The following MROH1 variants were observed in gnomAD, a reference collection of about 807,000 sequenced individuals.
The protein encoded by MROH1 is maestro heat-like repeat-containing protein family member 1.
A neutral mutation model predicts 116.5 loss-of-function variants in MROH1; 117 were observed. The ratio of observed to expected loss-of-function variants is 1.00; its 90% CI spans 0.86 to 1.17. The LOEUF (loss-of-function observed/expected upper bound fraction) is 1.17, where lower values mean the gene tolerates loss of function less well. MROH1 is among the 50% of genes most tolerant of loss of function. MROH1 has a pLI of 0.00. For missense variants in MROH1, 1,873 were observed against 1,338.5 expected (o/e 1.40, Z -6.23); for synonymous variants, 921 against 583.9 (o/e 1.58, Z -8.32).
chr8:144,185,898 G>C (rs1413561203), intron 7 of MROH1, among the ~76,000 whole-genome samples: 2 of 133,852 alleles, frequency 1.5e-5, no homozygotes, highest in African/African-American at 5.4e-5. Context: ...ATGGTGAGGG[G>C]TGGCGGGGGG....
chr8:144,229,380 ATTTTT>A (rs60877043), intron 14 of MROH1, among the ~76,000 whole-genome samples: 3 of 108,900 alleles, frequency 2.8e-5, no homozygotes, highest in Non-Finnish European at 5.9e-5. Flanking sequence ...TACCTTATGA[ATTTTT>A]TTTTTTTTTT....
At chr8:144,191,984 CAG>C in intron 9 of MROH1, 129 bp downstream of exon 9, 1 of 1,094,442 alleles carries the variant, frequency 9.1e-7, no homozygotes, top group Non-Finnish European at 1.3e-6. Flanking sequence ...TGCTAAGGCT[CAG>C]TGGTGGGCTG....
chr8:144,260,255 A>T lies in MROH1; in HGVS notation c.4261A>T (p.Ser1421Cys). ...GGLDDGDNPH[S>C]PVALEAMLGL... ...GCTGGACGACGGGGACAACCCTCAC[A>T]GCCCAGTGGCCCTGGAGGCCATGCT... is the stretch of plus-strand genomic sequence containing the variant. The change falls in exon 39 of 44, where the codon AGC becomes TGC. Residue 1421 changes from serine (S) to cysteine (C), a missense_variant. Coordinates refer to ENST00000326134, the MANE Select transcript of MROH1 (RefSeq NM_032450.3). 1.3e-6 allele frequency: 1 copy of T among 766,486 alleles called. No homozygotes were observed. Among genetic ancestry groups the T allele is most frequent in the Admixed American group, 1.7e-5 (1 of 58,942 alleles). The allele number at this position is 766,486 out of a possible 1,614,324, so 47.5% of individuals were successfully genotyped here.
At chr8:144,203,523 G>A (rs1265521693) in intron 12 of MROH1, among the ~76,000 whole-genome samples, 1 of 151,426 alleles carries the variant, frequency 6.6e-6, no homozygotes, top group Non-Finnish European at 1.5e-5. Context: ...TGCTCTCTGT[G>A]GAGTGGCCCG....
At chr8:144,240,436 C>T (rs968511898) in intron 19 of MROH1, 134 bp from the exon 20 acceptor site, 2 of 691,878 alleles carry the variant, frequency 2.9e-6, no homozygotes, top group Non-Finnish European at 5.3e-6. Flanking sequence ...TGAGGGTTGG[C>T]TCTGCCGCCC....
intron 25 of MROH1, 93 bp downstream of exon 25, chr8:144,243,709 A>C: frequency 2.6e-6 from 2 of 767,950 alleles, no homozygotes; most frequent in South Asian, 2.7e-5. Flanking sequence ...TGATAATGTG[A>C]AGACAGCCTG....
chr8:144,235,806 A>G (rs1300976226), intron 14 of MROH1, among the ~76,000 whole-genome samples: 1 of 152,144 alleles, frequency 6.6e-6, no homozygotes, highest in African/African-American at 2.4e-5. Flanking sequence ...CCTTTGTATG[A>G]TATTTGTAAT....
chr8:144,255,465 G>A, intron 34 of MROH1, 44 bp from the exon 35 acceptor site: 1 of 769,926 alleles, frequency 1.3e-6, no homozygotes, highest in Non-Finnish European at 2.4e-6. Context: ...CAGATCTCCT[G>A]CGGCCTGGAG....
At chr8:144,196,801 AAAC>A (rs1373559688) in intron 10 of MROH1, among the ~76,000 whole-genome samples, 1 of 152,036 alleles carries the variant, frequency 6.6e-6, no homozygotes, top group African/African-American at 2.4e-5. Flanking sequence ...TACCACCTTA[AAAC>A]AACAACATCT....
intron 7 of MROH1, among the ~76,000 whole-genome samples, chr8:144,190,144 C>T (rs934933057): frequency 6.6e-6 from 1 of 152,204 alleles, no homozygotes; most frequent in Admixed American, 6.5e-5. Context: ...TGTCACATGG[C>T]CATCTTCCTC....
chr8:144,210,706 C>A (rs139241754), intron 12 of MROH1, among the ~76,000 whole-genome samples: 9 of 151,632 alleles, frequency 5.9e-5, no homozygotes, highest in African/African-American at 2.2e-4. Flanking sequence ...CTCTCTATCT[C>A]TCTATATATA....
At chr8:144,158,434 T>G (rs2130752944) in intron 1 of MROH1, among the ~76,000 whole-genome samples, 1 of 152,298 alleles carries the variant, frequency 6.6e-6, no homozygotes, top group South Asian at 2.1e-4. Context: ...CTCTAGTTTC[T>G]TAAGGTAGAA....
chr8:144,170,862 CAG>C (rs1393929938), intron 4 of MROH1, among the ~76,000 whole-genome samples: 1 of 152,228 alleles, frequency 6.6e-6, no homozygotes, highest in African/African-American at 2.4e-5. Context: ...ACAGACTCCT[CAG>C]GGGCCGTCAG....
intron 8 of MROH1, 146 bp from the exon 9 acceptor site, chr8:144,191,567 CTG>C (rs1298267699): frequency 1.8e-6 from 2 of 1,086,236 alleles, no homozygotes. Flanking sequence ...CAGCTGACCT[CTG>C]GGTGCTAGGC....
In MROH1 at chr8:144,191,932, C is replaced by T. The variant is rs1190211632; in HGVS notation, c.855+77C>T. The T allele has an allele frequency of 2.2e-5, 34 of 1,544,302 alleles. No homozygotes were observed. The East Asian group carries it at 2.7e-4, about 12-fold the overall frequency. On this transcript the variant is annotated intron_variant, in intron 9 of 43. Transcript: ENST00000326134. ...CTCCCCGGGGGTGGCCGTGAGTCCTCGGCTAGGGCTCAGTGGTGGGTGGGG... is the reference window on the plus strand; with the variant it reads ...CTCCCCGGGGGTGGCCGTGAGTCCTTGGCTAGGGCTCAGTGGTGGGTGGGG...
Position 144,163,904 on chromosome 8 carries a change from G to T in MROH1, c.22+56G>T, listed in dbSNP as rs1396072788. The T allele has an allele frequency of 6.3e-7, 1 of 1,595,634 alleles. No homozygotes were observed. The highest frequency in any genetic ancestry group is 8.6e-7 in the Non-Finnish European group (1 of 1,164,590). ...TGTGAGGCCTCTCTTGCCTCTGGGTGGTCAGGGCAGGCCAAGGCTCTTACC... is the reference window on the plus strand; with the variant it reads ...TGTGAGGCCTCTCTTGCCTCTGGGTTGTCAGGGCAGGCCAAGGCTCTTACC... On this transcript the variant is annotated intron_variant, in intron 3 of 43. Coordinates refer to ENST00000326134, the MANE Select transcript of MROH1 (RefSeq NM_032450.3). The surrounding 1 kb of genome is among the most constrained non-coding windows in gnomAD (Gnocchi z 4.4).
At position 144,191,066 on chromosome 8, in the gene MROH1, G is replaced by T. The variant is rs1226000749; in HGVS notation, c.714+131G>T. ...AAGCAGAGGTGCCCAATGGGAGGTG[G>T]CTCACCTTTATTTATTTTTTTGAGA... On this transcript the variant is annotated intron_variant, in intron 8 of 43. Transcript: ENST00000326134. The T allele has an allele frequency of 4.0e-6, 4 of 993,338 alleles. No individual in the cohort carries two copies. The African/African-American group carries it at 6.6e-5, about 16-fold the overall frequency. The allele number at this position is 993,338 out of a possible 1,614,324, so 61.5% of individuals were successfully genotyped here.
intron 35 of MROH1, 94 bp from the exon 36 acceptor site, chr8:144,258,683 G>A (rs953738321): frequency 1.0e-5 from 7 of 699,444 alleles, no homozygotes; most frequent in Admixed American, 8.0e-5. Flanking sequence ...GCCACCAGGT[G>A]GGCAACACGC....
intron 9 of MROH1, 99 bp from the exon 10 acceptor site, chr8:144,192,210 C>G: frequency 9.7e-7 from 1 of 1,029,918 alleles, no homozygotes; most frequent in Non-Finnish European, 1.4e-6. Context: ...CCTCCTGGCC[C>G]ATGTCTTCCT....
Sources: allele counts gnomAD v4.1 joint callset (sites outside exome capture counted in the v4.1 genomes callset), GRCh38; gene constraint gnomAD v4.1.1; non-coding constraint Gnocchi (gnomAD v3.1); transcripts MANE v1.5; gene names NCBI Gene and HGNC (gene_info 2026-07-23, HGNC 2026-07-21).